GLIS2: variants seen among roughly 807,000 people sequenced by gnomAD.
GLIS2 encodes GLIS family zinc finger 2.
Under a neutral mutation model 35.6 loss-of-function variants are expected in GLIS2, and 14 were observed. The observed-to-expected ratio is 0.39, with a 90% CI of 0.26 to 0.61. The LOEUF (loss-of-function observed/expected upper bound fraction) is 0.61, where lower values mean the gene tolerates loss of function less well. Among genes scored for constraint, GLIS2 ranks in the 20% least tolerant of loss-of-function variants. GLIS2 has a pLI of 0.48. For missense variants in GLIS2, 675 were observed against 713.4 expected (o/e 0.95, Z 0.61); for synonymous variants, 368 against 325.1 (o/e 1.13, Z -1.42).
rs900121480 is a variant in GLIS2 at position 4,338,295 on chromosome 16, C to G, written c.*771C>G. On this transcript the variant is annotated 3_prime_UTR_variant, in exon 7 of 7. Coordinates refer to ENST00000433375, the MANE Select transcript of GLIS2 (RefSeq NM_032575.3). ...GCAGGTCCGAGGGCCCCTGAGCTGG[C>G]AAGGGGAGGTGCCAGGCCAGCTGTG... The G allele has an allele frequency of 6.6e-6, 1 of 152,520 alleles. No homozygotes were observed. Among genetic ancestry groups the G allele is most frequent in the Non-Finnish European group, 1.5e-5 (1 of 68,224 alleles). 9.4% of individuals were successfully genotyped at this position (152,520 alleles called of 1,614,324 possible).
chr16:4,337,334 A>G lies in GLIS2; in HGVS notation c.1385A>G (p.Lys462Arg). The change falls in exon 7 of 7, where the codon AAG becomes AGG. Residue 462 changes from lysine (K) to arginine (R), a missense_variant. Transcript: ENST00000433375. ...AGGGCCCTGGGCATGGAGGGCCACA[A>G]GACGCCCCTTGAAAGGACGGAGAGC... The part of the protein sequence containing the change: ...PTRALGMEGH[K>R]TPLERTESSC... 1.3e-6 allele frequency: 2 copies of G among 1,585,100 alleles called. No individual in the cohort carries two copies. The highest frequency in any genetic ancestry group is 1.7e-6 in the Non-Finnish European group (2 of 1,167,366).
At chr16:4,328,675 G>A (rs2141127626) in intron 1 of GLIS2, among the ~76,000 whole-genome samples, 1 of 152,322 alleles carries the variant, frequency 6.6e-6, no homozygotes. Context: ...GTGTGTGGGG[G>A]TGCCCCTGGG....
intron 1 of GLIS2, among the ~76,000 whole-genome samples, chr16:4,321,048 T>G (rs1175595209): frequency 6.6e-6 from 1 of 151,952 alleles, no homozygotes; most frequent in African/African-American, 2.4e-5. Flanking sequence ...TCTTCCAGAG[T>G]AGGCGAGCAG....
intron 1 of GLIS2, among the ~76,000 whole-genome samples, chr16:4,323,341 TTTCCTCTG>T (rs2053397251): frequency 6.6e-6 from 1 of 152,178 alleles, no homozygotes; most frequent in African/African-American, 2.4e-5. Context: ...CGGGGCGGGC[TTTCCTCTG>T]GCTGGGGCCC....
Position 4,320,028 on chromosome 16 carries a change from ACT to A in GLIS2, c.-67+3777_-67+3778del, listed in dbSNP as rs1245409802. ...TGCTGGGGGATGGGTGGGGGCTGAGACTCTTCCAGTTCGATGGCTGGGGGGCG... is the reference window on the plus strand; with the variant it reads ...TGCTGGGGGATGGGTGGGGGCTGAGACTTCCAGTTCGATGGCTGGGGGGCG... On this transcript the variant is annotated intron_variant, in intron 1 of 6. Coordinates refer to ENST00000433375, the MANE Select transcript of GLIS2 (RefSeq NM_032575.3). The surrounding 1 kb of genome is among the most constrained non-coding windows in gnomAD (Gnocchi z 5.6). Among the ~76,000 whole-genome samples the A allele has an allele frequency of 2.9e-5, 4 of 140,128 alleles. No individual in the cohort carries two copies. The highest frequency in any genetic ancestry group is 6.2e-5 in the Non-Finnish European group (4 of 64,190). 91.9% of individuals were successfully genotyped at this position (140,128 alleles called of 152,430 possible).
In GLIS2 at chr16:4,332,511, G is replaced by A. The variant is rs1304723617; in HGVS notation, c.172+59G>A. The A allele has an allele frequency of 2.5e-6, 4 of 1,575,374 alleles. No individual in the cohort carries two copies. Among genetic ancestry groups the A allele is most frequent in the East Asian group, 2.3e-5 (1 of 43,992 alleles). ...CCTGATCCAGTCATGGTGACAGGGA[G>A]AATGGCCAAGTGTGTCCACCAGCAT... On this transcript the variant is annotated intron_variant, in intron 2 of 6. Transcript: ENST00000433375. This position sits in a 1 kb window ranked among gnomAD's most constrained non-coding sequence, Gnocchi z 5.4.
chr16:4,315,383 G>A (rs1451688876), upstream of GLIS2: 1 of 152,262 alleles, frequency 6.6e-6, no homozygotes, highest in East Asian at 1.9e-4. Flanking sequence ...GCTGGGCGGA[G>A]AAATCAGGGC....
rs947449559 is a variant in GLIS2 at position 4,335,105 on chromosome 16, A to G, written c.568A>G (p.Asn190Asp). 6.2e-6 allele frequency: 10 copies of G among 1,613,356 alleles called. No individual in the cohort carries two copies. The Admixed American group carries it at 1.0e-4, about 16-fold the overall frequency. ...ELLQDLVDHV[N>D]DYHVKPEKDA... ...CCTGCAAGACCTGGTGGACCATGTC[A>G]ACGATTACCATGTCAAGCCCGAGAA... Residue 190 changes from asparagine to aspartate, a missense_variant, in exon 5 of 7, where the codon AAC (asparagine) becomes GAC (aspartate). Around this residue, in one of 3 missense-constraint regions of GLIS2, gnomAD observed 133 missense variants for 191.4 expected, o/e 0.69. Coordinates refer to ENST00000433375, the MANE Select transcript of GLIS2 (RefSeq NM_032575.3). The surrounding 1 kb of genome is among the most constrained non-coding windows in gnomAD (Gnocchi z 4.6).
At chr16:4,336,409 A>G (rs1256120985) in intron 6 of GLIS2, 1 of 538,758 alleles carries the variant, frequency 1.9e-6, no homozygotes, top group East Asian at 3.3e-5. Context: ...GGCCTCCCAA[A>G]GTGCTGAAAT....
chr16:4,336,726 T>A lies in GLIS2; in HGVS notation c.777T>A (p.Gly259=). Residue 259 remains glycine, a splice_region_variant and synonymous_variant, in exon 7 of 7, where the codon GGT becomes GGA. Transcript: ENST00000433375. ...NLKIHNRSHT[G]EKPYVCPYEG... is the part of the protein sequence containing the mutation. ...GCACTGCACTGCACCACCCTGCAGGTGAGAAGCCCTACGTCTGCCCCTACG... is the reference window on the plus strand; with the variant it reads ...GCACTGCACTGCACCACCCTGCAGGAGAGAAGCCCTACGTCTGCCCCTACG... 6.3e-7 allele frequency: 1 copy of A among 1,595,256 alleles called. No individual in the cohort carries two copies. The highest frequency in any genetic ancestry group is 8.5e-7 in the Non-Finnish European group (1 of 1,171,498).
intron 1 of GLIS2, among the ~76,000 whole-genome samples, 49 bp downstream of exon 1, chr16:4,316,303 G>GT (rs1454540160): frequency 7.0e-6 from 1 of 143,812 alleles, no homozygotes; most frequent in African/African-American, 2.5e-5. Context: ...CCGGGGCGGG[G>GT]GGGGGGGGGC....
rs1011252011 is a variant in GLIS2, at chr16:4,320,762, T to C, written c.-67+4508T>C. Reference sequence around the variant, plus strand: ...ACTTCCAGGCAGACCGACTCTGAGCTGGGATGTCCCCTCCCCGCAAGGCTG... The same window carrying C: ...ACTTCCAGGCAGACCGACTCTGAGCCGGGATGTCCCCTCCCCGCAAGGCTG... On this transcript the variant is annotated intron_variant, in intron 1 of 6. Transcript: ENST00000433375. This position sits in a 1 kb window ranked among gnomAD's most constrained non-coding sequence, Gnocchi z 5.6. Among the ~76,000 whole-genome samples, 13 of 152,262 alleles carry C rather than the reference T, an allele frequency of 8.5e-5. No individual in the cohort carries two copies. Among genetic ancestry groups the C allele is most frequent in the South Asian group, 2.1e-4 (1 of 4,820 alleles).
intron 1 of GLIS2, among the ~76,000 whole-genome samples, chr16:4,329,698 C>T (rs2053477198): frequency 1.3e-5 from 2 of 152,202 alleles, no homozygotes; most frequent in Admixed American, 6.5e-5. Flanking sequence ...GGGAAACACA[C>T]GGGGGCATAT....
intron 1 of GLIS2, among the ~76,000 whole-genome samples, chr16:4,322,909 G>C (rs1567217885): frequency 1.3e-5 from 2 of 152,224 alleles, no homozygotes; most frequent in Admixed American, 6.5e-5. Flanking sequence ...CCTGCAGCCA[G>C]GCGTGGCTTG....
intron 3 of GLIS2, 67 bp downstream of exon 3, chr16:4,333,586 C>T (rs962826623): frequency 6.0e-6 from 9 of 1,490,460 alleles, no homozygotes; most frequent in Non-Finnish European, 8.1e-6. Flanking sequence ...TGACAAAGTA[C>T]CCCAACACTG....
rs762640275 is a variant in GLIS2 at position 4,337,424 on chromosome 16, C to T, written c.1475C>T (p.Thr492Met). ...CCAGGCACCGTGCTGGACCTGTCCACGGGCGTCAACTCAGCTGCCAGCAGC... is the reference window on the plus strand; with the variant it reads ...CCAGGCACCGTGCTGGACCTGTCCATGGGCGTCAACTCAGCTGCCAGCAGC... Reference protein sequence around the residue: ...LLPGTVLDLSTGVNSAASSPE... With the variant: ...LLPGTVLDLSMGVNSAASSPE... The change falls in exon 7 of 7, where the codon ACG becomes ATG. Residue 492 changes from threonine to methionine, a missense_variant. This residue lies in a region of GLIS2 where 317 missense variants were observed against 283.2 expected (regional missense o/e 1.12). Transcript: ENST00000433375. The T allele has an allele frequency of 4.2e-5, 67 of 1,584,514 alleles. No homozygotes were observed. In the Middle Eastern group the frequency reaches 1.2e-3, roughly 27 times the overall value.
chr16:4,330,823 C>CA (rs2053489954), intron 1 of GLIS2, among the ~76,000 whole-genome samples: 1 of 152,186 alleles, frequency 6.6e-6, no homozygotes, highest in Non-Finnish European at 1.5e-5. Flanking sequence ...AAACTAGCCC[C>CA]AAAACTGGCC....
intron 1 of GLIS2, among the ~76,000 whole-genome samples, chr16:4,316,653 T>C (rs2053316278): frequency 6.7e-6 from 1 of 148,956 alleles, no homozygotes; most frequent in African/African-American, 2.5e-5. Context: ...CAGCCGCCCC[T>C]CCTCTCGGCC....
intron 1 of GLIS2, among the ~76,000 whole-genome samples, chr16:4,328,592 G>C (rs75667064): frequency 0.022 from 3,356 of 152,328 alleles, 49 homozygotes; most frequent in Middle Eastern, 0.051. Context: ...GGGCAGGGAC[G>C]CAGGCCGTGT....
Sources: gnomAD v4.1 joint callset for allele counts (sites outside exome capture counted in the v4.1 genomes callset) on GRCh38, gnomAD v4.1.1 for gene constraint, gnomAD v4.1.1 regional missense constraint, Gnocchi (gnomAD v3.1) non-coding constraint, MANE v1.5 for transcripts, NCBI Gene and HGNC (gene_info 2026-07-23, HGNC 2026-07-21) for gene names.